The following SRP19 variants were observed in gnomAD, a reference collection of about 807,000 sequenced individuals.
The protein encoded by SRP19 is signal recognition particle 19, also known as signal recognition particle 19 kDa protein.
In SRP19, 11 loss-of-function variants were observed where a neutral mutation model predicts 22.4. The observed-to-expected ratio is 0.49, with a 90% CI of 0.31 to 0.81. The LOEUF (loss-of-function observed/expected upper bound fraction) is 0.81, where lower values mean the gene tolerates loss of function less well. Ranked by LOEUF, SRP19 falls within the 40% of genes least tolerant of loss-of-function variation. The pLI is 0.05. For synonymous variants in SRP19, 61 were observed against 57.6 expected, an observed-to-expected ratio of 1.06 and a Z score of -0.27; for missense variants, 168 against 175.9, an observed-to-expected ratio of 0.96 and a Z score of 0.25.
chr5:112,873,512 A>T (rs1373104759), downstream of SRP19, among the ~76,000 whole-genome samples: 1 of 151,300 alleles, frequency 6.6e-6, no homozygotes, highest in Non-Finnish European at 1.5e-5. Flanking sequence ...AAGCCTGGCT[A>T]ATTTTTGTAT....
intron 2 of SRP19, among the ~76,000 whole-genome samples, chr5:112,864,167 A>G (rs1767506978): frequency 6.6e-6 from 1 of 152,202 alleles, no homozygotes; most frequent in African/African-American, 2.4e-5. Context: ...TTGAGCACCT[A>G]CTATGTTGAG....
In SRP19 at chr5:112,867,898, T is replaced by C; in HGVS notation, c.*361T>C. 1.0e-6 allele frequency: 1 copy of C among 991,782 alleles called. No homozygotes were observed. Among genetic ancestry groups the C allele is most frequent in the African/African-American group, 1.7e-5 (1 of 57,664 alleles). 61.4% of individuals were successfully genotyped at this position (991,782 alleles called of 1,614,324 possible). On this transcript the variant is annotated 3_prime_UTR_variant, in exon 5 of 5. Transcript: ENST00000505459. Reference sequence around the variant, plus strand: ...ACCTTTTAAGTTAATGAAATAAAATTTGAAACTGACTTTTGCAGCTTTTGC... The same window carrying C: ...ACCTTTTAAGTTAATGAAATAAAATCTGAAACTGACTTTTGCAGCTTTTGC...
rs150834102 is a variant in SRP19, at chr5:112,889,125, A to G, written c.302-2478A>G. Among the ~76,000 whole-genome samples the G allele has an allele frequency of 3.8e-3, 576 of 150,872 alleles. 46 individuals are homozygous for G. Among genetic ancestry groups the G allele is most frequent in the African/African-American group, 0.014 (553 of 40,596 alleles). Reference sequence around the variant, plus strand: ...CACAACCATGTGGAACTGTGAGTCAATTAAACCTCTTTCCTTTATAAATTG... The same window carrying G: ...CACAACCATGTGGAACTGTGAGTCAGTTAAACCTCTTTCCTTTATAAATTG... On this transcript the variant is annotated intron_variant, in intron 4 of 4. Coordinates refer to the SRP19 transcript ENST00000391338.
intron 4 of SRP19, chr5:112,877,970 T>C (rs1315026998): frequency 6.8e-6 from 1 of 147,424 alleles, no homozygotes; most frequent in Non-Finnish European, 1.5e-5. Context: ...AATTGAGAGT[T>C]ACAGGTTACT....
intron 4 of SRP19, chr5:112,877,863 A>AAGAT (rs1189659789): frequency 1.3e-5 from 2 of 152,226 alleles, no homozygotes; most frequent in East Asian, 3.8e-4. Flanking sequence ...CTCCGCTTTG[A>AAGAT]AGATAAAACC....
At chr5:112,882,923 G>T (rs148420642) in intron 4 of SRP19, among the ~76,000 whole-genome samples, 1,808 of 152,210 alleles carry the variant, frequency 0.012, 9 homozygotes, top group Middle Eastern at 0.037. Context: ...ATAGTCACAT[G>T]TGCTCACAGC....
At chr5:112,870,487 C>T (rs58133052), downstream of SRP19, among the ~76,000 whole-genome samples, 7,892 of 149,980 alleles carry the variant, frequency 0.053, 506 homozygotes, top group East Asian at 0.16. Context: ...AAAAAAAAAA[C>T]GTACTGTGGT....
downstream of SRP19, among the ~76,000 whole-genome samples, chr5:112,871,233 CA>C (rs1349105986): frequency 7.1e-6 from 1 of 141,696 alleles, no homozygotes; most frequent in Non-Finnish European, 1.5e-5. Context: ...GCAATTGGTG[CA>C]ATCAGTGAAT....
chr5:112,883,682 T>C (rs1239019781), intron 4 of SRP19, among the ~76,000 whole-genome samples: 1 of 152,212 alleles, frequency 6.6e-6, no homozygotes, highest in East Asian at 1.9e-4. Flanking sequence ...TCTTGAACTC[T>C]TGACACCTGT....
At chr5:112,878,919 G>C in intron 4 of SRP19, 1 of 1,602,670 alleles carries the variant, frequency 6.2e-7, no homozygotes, top group Non-Finnish European at 8.5e-7. Flanking sequence ...GCCTAATGTA[G>C]CTACTAGATA....
At chr5:112,878,721 C>G in intron 4 of SRP19, 1 of 1,596,848 alleles carries the variant, frequency 6.3e-7, no homozygotes, top group Non-Finnish European at 8.5e-7. Context: ...ACCACAGTCC[C>G]TAATATAACA....
chr5:112,885,188 C>T, intron 4 of SRP19: 2 of 175,816 alleles, frequency 1.1e-5, no homozygotes, highest in South Asian at 2.1e-4. Flanking sequence ...GAGGAGCCAG[C>T]CAGGAGATGG....
downstream of SRP19, among the ~76,000 whole-genome samples, chr5:112,870,497 T>G (rs1767733096): frequency 6.6e-6 from 1 of 151,638 alleles, no homozygotes. Flanking sequence ...CGTACTGTGG[T>G]AGCCAACTGA....
At chr5:112,877,394 C>CT (rs1434219517) in intron 4 of SRP19, 7 of 152,134 alleles carry the variant, frequency 4.6e-5, no homozygotes, top group Non-Finnish European at 8.8e-5. Flanking sequence ...CAAAAGGACT[C>CT]TTAACAGTAT....
rs534438561 is a variant in SRP19, at chr5:112,867,969, T to G, written c.*432T>G. ...AGGAGGGATAATTAAGAATAAAATA[T>G]GTAGTGAAAGTTTCCATAGTGTGAG... is the stretch of plus-strand genomic sequence containing the variant. On this transcript the variant is annotated 3_prime_UTR_variant, in exon 5 of 5. Coordinates refer to ENST00000505459, the MANE Select transcript of SRP19 (RefSeq NM_003135.3). The G allele has an allele frequency of 4.1e-6, 4 of 986,934 alleles. No homozygotes were observed. Among genetic ancestry groups the G allele is most frequent in the Non-Finnish European group, 4.8e-6 (4 of 830,866 alleles). The allele number at this position is 986,934 out of a possible 1,614,324, so 61.1% of individuals were successfully genotyped here.
rs1260427528 is a variant in SRP19 at position 112,869,112 on chromosome 5, C to G, written c.*1575C>G. The G allele has an allele frequency of 6.6e-6, 1 of 152,122 alleles. No individual in the cohort carries two copies. Among genetic ancestry groups the G allele is most frequent in the African/African-American group, 2.4e-5 (1 of 41,432 alleles). 9.4% of individuals were successfully genotyped at this position (152,122 alleles called of 1,614,324 possible). A position where few individuals can be genotyped will look rare whatever the true frequency, so the allele number is the denominator to read the frequency against. ...GTAACAAAACAATGAAGGATTTAAG[C>G]AGGATATTTTTGCCTCATATGTTAA... On this transcript the variant is annotated 3_prime_UTR_variant, in exon 5 of 5. Transcript: ENST00000505459.
intron 2 of SRP19, 164 bp from the exon 3 acceptor site, chr5:112,864,293 C>G: frequency 3.3e-6 from 2 of 614,496 alleles, no homozygotes; most frequent in Admixed American, 3.0e-5. Context: ...AGTGTTATTC[C>G]TAGGAATTTT....
intron 4 of SRP19, chr5:112,878,694 A>G: frequency 6.5e-7 from 1 of 1,533,082 alleles, no homozygotes; most frequent in Non-Finnish European, 8.8e-7. Context: ...CCAAGGCAAC[A>G]TTATTAAAAT....
At position 112,867,919 on chromosome 5, in the gene SRP19, T is replaced by C; in HGVS notation, c.*382T>C. 1 of 990,158 alleles carries C rather than the reference T, an allele frequency of 1.0e-6. No individual in the cohort carries two copies. Among genetic ancestry groups the C allele is most frequent in the Non-Finnish European group, 1.2e-6 (1 of 832,462 alleles). The allele number at this position is 990,158 out of a possible 1,614,324, so 61.3% of individuals were successfully genotyped here. A position where few individuals can be genotyped will look rare whatever the true frequency, so the allele number is the denominator to read the frequency against. ...AAATTTGAAACTGACTTTTGCAGCTTTTGCTTATATACTAATGCTAGGAGA... is the reference window on the plus strand; with the variant it reads ...AAATTTGAAACTGACTTTTGCAGCTCTTGCTTATATACTAATGCTAGGAGA... On this transcript the variant is annotated 3_prime_UTR_variant, in exon 5 of 5. Coordinates refer to ENST00000505459, the MANE Select transcript of SRP19 (RefSeq NM_003135.3).
Sources: allele counts gnomAD v4.1 joint callset (sites outside exome capture counted in the v4.1 genomes callset), GRCh38; gene constraint gnomAD v4.1.1; transcripts MANE v1.5; gene names NCBI Gene and HGNC (gene_info 2026-07-23, HGNC 2026-07-21).